The following NXPE4 variants were observed in gnomAD, a reference collection of about 807,000 sequenced individuals.
NXPE4 encodes neurexophilin and PC-esterase domain family member 4, also known as NXPE family member 4.
Under a neutral mutation model 33.3 loss-of-function variants are expected in NXPE4, and 42 were observed. The observed-to-expected ratio is 1.26, with a 90% CI of 0.98 to 1.63. The LOEUF (loss-of-function observed/expected upper bound fraction) is 1.63, where lower values mean the gene tolerates loss of function less well. Among genes scored for constraint, NXPE4 ranks in the 40% most tolerant of loss-of-function variants. The pLI, the probability that NXPE4 is intolerant of heterozygous loss-of-function variation, is 0.00. For missense variants in NXPE4, 709 were observed against 647.6 expected (o/e 1.09, Z -1.03); for synonymous variants, 253 against 234.9 (o/e 1.08, Z -0.71).
chr11:114,642,242 A>G, the NXPE4 span, among the ~76,000 whole-genome samples: 2 of 151,996 alleles, frequency 1.3e-5, no homozygotes, highest in South Asian at 2.1e-4. Context: ...CGGTCTAACA[A>G]TGAGAAAAAC....
chr11:114,577,185 G>A lies in NXPE4; in HGVS notation c.1099+2947C>T, dbSNP rs1949030205. Among the ~76,000 whole-genome samples the A allele has an allele frequency of 5.0e-5, 7 of 139,870 alleles. No individual in the cohort carries two copies. In the South Asian group the frequency reaches 9.3e-4, roughly 19 times the overall value. 91.8% of individuals were successfully genotyped at this position (139,870 alleles called of 152,430 possible). On this transcript the variant is annotated intron_variant, in intron 5 of 5. Transcript: ENST00000375478. ...TCATATATATATATATATATAAAATGTTATACACACACACTGTGGAATACT... is the reference window on the plus strand; with the variant it reads ...TCATATATATATATATATATAAAATATTATACACACACACTGTGGAATACT...
chr11:114,590,688 C>A (rs1949429567), intron 2 of NXPE4, among the ~76,000 whole-genome samples: 1 of 152,118 alleles, frequency 6.6e-6, no homozygotes, highest in Non-Finnish European at 1.5e-5. Context: ...TGAGGACCAG[C>A]TCAACAACTA....
the NXPE4 span, among the ~76,000 whole-genome samples, chr11:114,623,186 C>T: frequency 6.6e-6 from 1 of 151,784 alleles, no homozygotes; most frequent in African/African-American, 2.4e-5. Context: ...ATTATTGCCT[C>T]TAGGGTAACC....
chr11:114,612,246 G>A, the NXPE4 span, among the ~76,000 whole-genome samples: 1 of 151,842 alleles, frequency 6.6e-6, no homozygotes, highest in Non-Finnish European at 1.5e-5. Context: ...GTTACACGGT[G>A]GAGAATAAGT....
chr11:114,580,073 T>C (rs1487972131), intron 5 of NXPE4, 59 bp downstream of exon 5: 1 of 1,411,854 alleles, frequency 7.1e-7, no homozygotes, highest in Non-Finnish European at 1.0e-6. Context: ...CTTCTCCCCT[T>C]TGAAATGGAA....
At chr11:114,583,917 A>G (rs528742795) in intron 2 of NXPE4, 10 of 394,830 alleles carry the variant, frequency 2.5e-5, no homozygotes, top group African/African-American at 1.7e-4. Flanking sequence ...GGCAGATATT[A>G]TGCTATTAAC....
rs780063917 is a variant in NXPE4 at position 114,594,636 on chromosome 11, T to C, written c.96+28A>G. On this transcript the variant is annotated intron_variant, in intron 2 of 5. Transcript: ENST00000375478. Reference sequence around the variant, plus strand: ...GGTAATAAGCAAAAATAAGCTTCTGTAAACCACATAAATAAAGCATTTCCT... The same window carrying C: ...GGTAATAAGCAAAAATAAGCTTCTGCAAACCACATAAATAAAGCATTTCCT... 17 of 1,438,766 alleles carry C rather than the reference T, an allele frequency of 1.2e-5. No homozygotes were observed. The Admixed American group carries it at 2.9e-4, about 24-fold the overall frequency. 89.1% of individuals were successfully genotyped at this position (1,438,766 alleles called of 1,614,324 possible).
chr11:114,602,092 T>C, the NXPE4 span, among the ~76,000 whole-genome samples: 1 of 95,868 alleles, frequency 1.0e-5, no homozygotes, highest in Admixed American at 1.8e-4. Flanking sequence ...TTATTATATA[T>C]AACATATATT....
At chr11:114,573,298 A>T (rs1948931171) in intron 5 of NXPE4, among the ~76,000 whole-genome samples, 2 of 152,104 alleles carry the variant, frequency 1.3e-5, no homozygotes, top group Admixed American at 6.6e-5. Flanking sequence ...AATGCAATGA[A>T]AAGAAAAACA....
At chr11:114,591,610 G>A (rs1036517506) in intron 2 of NXPE4, among the ~76,000 whole-genome samples, 108 of 152,226 alleles carry the variant, frequency 7.1e-4, no homozygotes, top group African/African-American at 2.6e-3. Context: ...GCCATTTCTC[G>A]AGGGTATACT....
the NXPE4 span, among the ~76,000 whole-genome samples, chr11:114,632,182 A>G: frequency 4.6e-5 from 6 of 131,582 alleles, 1 homozygote; most frequent in Non-Finnish European, 1.0e-4. Flanking sequence ...AATATATAAT[A>G]AATAAATGAT....
chr11:114,613,552 A>G, the NXPE4 span, among the ~76,000 whole-genome samples: 2 of 151,832 alleles, frequency 1.3e-5, no homozygotes, highest in Non-Finnish European at 2.9e-5. Context: ...CTGCTGCACA[A>G]TAAGTGTTGC....
chr11:114,609,743 C>A, the NXPE4 span, among the ~76,000 whole-genome samples: 1 of 151,928 alleles, frequency 6.6e-6, no homozygotes, highest in East Asian at 1.9e-4. Context: ...TGGATAACCA[C>A]TGTTACCCGG....
intron 2 of NXPE4, among the ~76,000 whole-genome samples, chr11:114,584,873 T>C (rs565638912): frequency 6.6e-6 from 1 of 152,258 alleles, no homozygotes; most frequent in East Asian, 1.9e-4. Context: ...CTGGGTGATC[T>C]CTTCTAGGAA....
chr11:114,576,227 A>G (rs1420973910), intron 5 of NXPE4, among the ~76,000 whole-genome samples: 1 of 152,190 alleles, frequency 6.6e-6, no homozygotes, highest in Non-Finnish European at 1.5e-5. Context: ...CTTAAATTTA[A>G]GACCTGAAGC....
intron 2 of NXPE4, among the ~76,000 whole-genome samples, chr11:114,590,927 C>G (rs1949436292): frequency 6.6e-6 from 1 of 152,188 alleles, no homozygotes; most frequent in South Asian, 2.1e-4. Flanking sequence ...TTAGAAGGGT[C>G]AGCAGTTCTG....
At chr11:114,675,288 A>G in the NXPE4 span, among the ~76,000 whole-genome samples, 1 of 151,838 alleles carries the variant, frequency 6.6e-6, no homozygotes, top group Admixed American at 6.6e-5. Flanking sequence ...AATTCAACAT[A>G]GTACTGGAAG....
the NXPE4 span, among the ~76,000 whole-genome samples, chr11:114,613,313 G>A: frequency 6.6e-6 from 1 of 151,814 alleles, no homozygotes; most frequent in Admixed American, 6.6e-5. Context: ...CTGCCTCATG[G>A]GTAACCACTG....
the NXPE4 span, among the ~76,000 whole-genome samples, chr11:114,648,571 T>C: frequency 6.6e-6 from 1 of 152,190 alleles, no homozygotes; most frequent in Non-Finnish European, 1.5e-5. Flanking sequence ...GATTATCAAA[T>C]ATGTATACCT....
Sources: gnomAD v4.1 joint callset for allele counts (sites outside exome capture counted in the v4.1 genomes callset) on GRCh38, gnomAD v4.1.1 for gene constraint, MANE v1.5 for transcripts, NCBI Gene and HGNC (gene_info 2026-07-23, HGNC 2026-07-21) for gene names.